DPP10: variants seen among roughly 807,000 people sequenced by gnomAD.
DPP10 encodes the protein inactive dipeptidyl peptidase 10.
Under a neutral mutation model 120.9 loss-of-function variants are expected in DPP10, and 33 were observed. That is an observed-to-expected ratio of 0.27 (90% CI 0.21 to 0.37). The LOEUF is 0.37. DPP10 is among the 10% of genes least tolerant of loss of function. DPP10 has a pLI of 1.00. For synonymous variants in DPP10, 337 were observed against 326.1 expected, an observed-to-expected ratio of 1.03 and a Z score of -0.36; for missense variants, 816 against 942.8, an observed-to-expected ratio of 0.87 and a Z score of 1.76.
intron 1 of DPP10, among the ~76,000 whole-genome samples, chr2:114,525,228 T>C (rs1354432601): frequency 6.6e-6 from 1 of 152,358 alleles, no homozygotes; most frequent in African/African-American, 2.4e-5. Flanking sequence ...GTACCCATTA[T>C]AAAAATGTAT....
At chr2:114,543,759 T>C (rs1687141181) in intron 1 of DPP10, among the ~76,000 whole-genome samples, 3 of 152,168 alleles carry the variant, frequency 2.0e-5, no homozygotes, top group African/African-American at 7.2e-5. Context: ...TTTTTTTTTT[T>C]TCTCCTTGTA....
At chr2:115,476,224 C>T (rs764379205) in intron 3 of DPP10, among the ~76,000 whole-genome samples, 9 of 152,000 alleles carry the variant, frequency 5.9e-5, no homozygotes, top group Non-Finnish European at 1.0e-4. Flanking sequence ...ATTTTCCTTT[C>T]GATGTTGTTT....
chr2:115,384,642 G>GGAA (rs202001321), intron 3 of DPP10, among the ~76,000 whole-genome samples: 1 of 138,284 alleles, frequency 7.2e-6, no homozygotes, highest in East Asian at 2.0e-4. Flanking sequence ...GAAGAAAGAA[G>GGAA]GAAGAAGAAG....
At chr2:114,802,284 G>A (rs1356239036) in intron 1 of DPP10, among the ~76,000 whole-genome samples, 1 of 152,154 alleles carries the variant, frequency 6.6e-6, no homozygotes, top group Non-Finnish European at 1.5e-5. Context: ...GGTAATAAGG[G>A]ATGAAGGTAT....
chr2:114,640,736 CTT>C (rs1287307092), intron 1 of DPP10, among the ~76,000 whole-genome samples: 2 of 151,926 alleles, frequency 1.3e-5, no homozygotes, highest in Non-Finnish European at 2.9e-5. Context: ...GGAGAAAACT[CTT>C]TTGGAGAATT....
At chr2:115,094,147 A>C (rs1426151347) in intron 1 of DPP10, among the ~76,000 whole-genome samples, 2 of 152,078 alleles carry the variant, frequency 1.3e-5, no homozygotes, top group Admixed American at 6.6e-5. Flanking sequence ...TAAGGAGAAA[A>C]ACATTCATAT....
intron 1 of DPP10, among the ~76,000 whole-genome samples, chr2:114,541,088 G>T (rs904340715): frequency 1.3e-5 from 2 of 152,160 alleles, no homozygotes; most frequent in Non-Finnish European, 2.9e-5. Flanking sequence ...TTTCTTGAGG[G>T]AATTCTCTTG....
At chr2:114,842,924 G>C (rs1688272204) in intron 1 of DPP10, among the ~76,000 whole-genome samples, 1 of 151,968 alleles carries the variant, frequency 6.6e-6, no homozygotes, top group South Asian at 2.1e-4. Context: ...TTTGAGCAAG[G>C]GACAGGAGAG....
At chr2:115,498,551 C>A (rs2076521925) in intron 3 of DPP10, among the ~76,000 whole-genome samples, 2 of 151,626 alleles carry the variant, frequency 1.3e-5, no homozygotes, top group South Asian at 4.2e-4. Flanking sequence ...ACCTTTCTTC[C>A]TAGAATGAGC....
intron 10 of DPP10, among the ~76,000 whole-genome samples, chr2:115,749,542 A>G (rs1304529400): frequency 6.6e-6 from 1 of 152,194 alleles, no homozygotes; most frequent in Non-Finnish European, 1.5e-5. Context: ...TATCTAGCCT[A>G]CATCTCTTAC....
At chr2:115,208,071 G>T (rs965599293) in intron 1 of DPP10, among the ~76,000 whole-genome samples, 2 of 151,918 alleles carry the variant, frequency 1.3e-5, no homozygotes, top group African/African-American at 4.8e-5. Context: ...CATTGTCCAA[G>T]ATATGAAAAC....
chr2:114,996,834 T>A (rs950023245), intron 1 of DPP10, among the ~76,000 whole-genome samples: 3 of 151,786 alleles, frequency 2.0e-5, no homozygotes, highest in African/African-American at 7.3e-5. Context: ...TACAAAAAAT[T>A]AGCTGGGCGT....
At chr2:114,638,890 C>A (rs969535285) in intron 1 of DPP10, among the ~76,000 whole-genome samples, 2 of 151,786 alleles carry the variant, frequency 1.3e-5, no homozygotes, top group Non-Finnish European at 2.9e-5. Flanking sequence ...GCAAGTTAGG[C>A]GCCCATGAGT....
chr2:114,892,693 GC>G (rs1692638925), intron 1 of DPP10, among the ~76,000 whole-genome samples: 1 of 152,156 alleles, frequency 6.6e-6, no homozygotes, highest in South Asian at 2.1e-4. Context: ...GTGCAGATAA[GC>G]CCTGTACATT....
At chr2:114,589,955 G>A (rs1691319224) in intron 1 of DPP10, among the ~76,000 whole-genome samples, 1 of 151,866 alleles carries the variant, frequency 6.6e-6, no homozygotes, top group Admixed American at 6.6e-5. Flanking sequence ...AGATGCTGGA[G>A]ATCTAATGAT....
intron 7 of DPP10, among the ~76,000 whole-genome samples, chr2:115,693,287 G>A (rs2091416531): frequency 6.6e-6 from 1 of 152,124 alleles, no homozygotes; most frequent in Non-Finnish European, 1.5e-5. Context: ...GTCTAGATAA[G>A]GCATGTAATC....
At chr2:115,372,488 T>C (rs1376590794) in intron 3 of DPP10, among the ~76,000 whole-genome samples, 1 of 152,176 alleles carries the variant, frequency 6.6e-6, no homozygotes, top group Non-Finnish European at 1.5e-5. Context: ...GGGTATCTCA[T>C]TGAATGTAGA....
At chr2:115,594,235 A>G (rs956739022) in intron 5 of DPP10, among the ~76,000 whole-genome samples, 3 of 152,296 alleles carry the variant, frequency 2.0e-5, no homozygotes, top group Admixed American at 1.3e-4. Flanking sequence ...TGTCCTGTTA[A>G]AAATGAAACA....
intron 8 of DPP10, among the ~76,000 whole-genome samples, 191 bp downstream of exon 8, chr2:115,728,127 T>C (rs1559081102): frequency 6.6e-6 from 1 of 152,106 alleles, no homozygotes; most frequent in Non-Finnish European, 1.5e-5. Flanking sequence ...TACATCTACT[T>C]ACATGATTCC....
Sources: allele counts gnomAD v4.1 joint callset (sites outside exome capture counted in the v4.1 genomes callset), GRCh38; gene constraint gnomAD v4.1.1; transcripts MANE v1.5; gene names NCBI Gene and HGNC (gene_info 2026-07-23, HGNC 2026-07-21).